Variants in TRAF5 observed in about 807,000 individuals in gnomAD.
TRAF5 encodes the protein TNF receptor-associated factor 5.
Under a neutral mutation model 64.5 loss-of-function variants are expected in TRAF5, and 48 were observed. That is an observed-to-expected ratio of 0.74 (90% CI 0.59 to 0.95). The LOEUF is 0.95. TRAF5 is among the 40% of genes least tolerant of loss of function. The pLI, the probability that TRAF5 is intolerant of heterozygous loss-of-function variation, is 0.00. For synonymous variants in TRAF5, 206 were observed against 240.5 expected (o/e 0.86, Z 1.33); for missense variants, 545 against 662.8 (o/e 0.82, Z 1.95).
intron 1 of TRAF5, among the ~76,000 whole-genome samples, chr1:211,329,732 G>T (rs1558128822): frequency 6.6e-6 from 1 of 152,168 alleles, no homozygotes; most frequent in East Asian, 1.9e-4. Context: ...TTCTGCCCAG[G>T]TTGTGGCTTT....
chr1:211,364,588 AG>A (rs1199855593), intron 7 of TRAF5, among the ~76,000 whole-genome samples: 1 of 151,928 alleles, frequency 6.6e-6, no homozygotes, highest in Non-Finnish European at 1.5e-5. Flanking sequence ...CGGGAGGCTG[AG>A]GCAGGAGAAT....
intron 1 of TRAF5, among the ~76,000 whole-genome samples, chr1:211,351,030 T>TA (rs1702770353): frequency 1.4e-5 from 1 of 73,394 alleles, no homozygotes; most frequent in Non-Finnish European, 3.4e-5. Context: ...TCTGGCCTCT[T>TA]CTTTTTTTTT....
intron 1 of TRAF5, chr1:211,346,507 A>T (rs778202922): frequency 1.8e-5 from 17 of 919,706 alleles, no homozygotes; most frequent in Non-Finnish European, 2.1e-5. Flanking sequence ...GTAATTCCCC[A>T]AGAATCAGAA....
chr1:211,364,429 G>A (rs1703281623), intron 7 of TRAF5, among the ~76,000 whole-genome samples: 2 of 152,208 alleles, frequency 1.3e-5, no homozygotes, highest in Admixed American at 1.3e-4. Flanking sequence ...GCTCATGCCT[G>A]TAATCCCAGC....
intron 7 of TRAF5, among the ~76,000 whole-genome samples, chr1:211,363,881 A>T (rs1018085808): frequency 1.4e-5 from 2 of 146,154 alleles, no homozygotes; most frequent in African/African-American, 5.1e-5. Flanking sequence ...ATTGTACTCC[A>T]GCCTGGGCAA....
chr1:211,348,909 A>G (rs1457955740), intron 1 of TRAF5, among the ~76,000 whole-genome samples: 1 of 151,844 alleles, frequency 6.6e-6, no homozygotes, highest in African/African-American at 2.4e-5. Context: ...TAAGAGTGTT[A>G]TCTTAGACCA....
intron 7 of TRAF5, among the ~76,000 whole-genome samples, chr1:211,364,625 G>A (rs1427508191): frequency 2.0e-5 from 3 of 152,114 alleles, no homozygotes; most frequent in African/African-American, 7.2e-5. Context: ...GGTGGAGGTT[G>A]CAGTGAGCCA....
intron 7 of TRAF5, among the ~76,000 whole-genome samples, chr1:211,361,772 A>G (rs145211217): frequency 0.044 from 6,039 of 138,208 alleles, 164 homozygotes; most frequent in Middle Eastern, 0.16. Context: ...TCTCGGCTCA[A>G]TGCAACCTCT....
At chr1:211,327,023 A>C in intron 1 of TRAF5, 134 bp downstream of exon 1, 16 of 773,000 alleles carry the variant, frequency 2.1e-5, no homozygotes, top group Non-Finnish European at 2.0e-5. Context: ...CCGGTCCCCG[A>C]CCGGCGGGGA....
intron 1 of TRAF5, among the ~76,000 whole-genome samples, chr1:211,327,370 G>A (rs942227348): frequency 1.3e-5 from 2 of 152,202 alleles, no homozygotes; most frequent in African/African-American, 4.8e-5. Context: ...TCCAATCAAA[G>A]CAACTCCAGA....
At chr1:211,354,616 A>G (rs114065494) in intron 3 of TRAF5, 149 bp downstream of exon 3, 25,370 of 755,886 alleles carry the variant, frequency 0.034, 559 homozygotes, top group South Asian at 0.063. Flanking sequence ...ATCAGACCCT[A>G]CTCGTAGCCC....
chr1:211,338,460 G>A (rs1702363767), intron 1 of TRAF5, among the ~76,000 whole-genome samples: 3 of 152,200 alleles, frequency 2.0e-5, no homozygotes, highest in African/African-American at 7.2e-5. Context: ...TAATACAATA[G>A]GGCGCAGACT....
At chr1:211,341,002 G>T (rs962857859) in intron 1 of TRAF5, among the ~76,000 whole-genome samples, 3 of 152,202 alleles carry the variant, frequency 2.0e-5, no homozygotes. Context: ...TGGCCTCTTT[G>T]TACCTTCTTT....
Position 211,356,393 on chromosome 1 carries a change from A to G in TRAF5, c.303A>G (p.Arg101=). The part of the protein sequence containing the change: ...QEVFKDNCCK[R]EVLNLYVYCS... ...TTTTTAAAGACAATTGTTGCAAAAG[A>G]GAAGTCCTCAACTTATATGTATATT... Residue 101 remains arginine, a synonymous_variant, in exon 4 of 11, where the codon AGA becomes AGG. Transcript: ENST00000261464. The G allele has an allele frequency of 6.2e-7, 1 of 1,614,138 alleles. No homozygotes were observed. Among genetic ancestry groups the G allele is most frequent in the Non-Finnish European group, 8.5e-7 (1 of 1,179,978 alleles).
chr1:211,353,368 C>CA lies in TRAF5; in HGVS notation c.132dup (p.Cys45MetfsTer41), dbSNP rs1331400783. The stretch of plus-strand genomic sequence containing the variant: ...TTGTGGAGCGGTTGGAAGAGCGCTA[C>CA]AAATGTGCCTTCTGCCACTCGGTGC... On this transcript the variant is annotated frameshift_variant, in exon 2 of 11. Transcript: ENST00000261464. LOFTEE classifies it high-confidence loss of function. 6.2e-7 allele frequency: 1 copy of CA among 1,614,066 alleles called. No individual in the cohort carries two copies. Among genetic ancestry groups the CA allele is most frequent in the Non-Finnish European group, 8.5e-7 (1 of 1,180,042 alleles).
rs140183497 is a variant in TRAF5, at chr1:211,348,207, C to G, written c.-1-5032C>G. Among the ~76,000 whole-genome samples, 126 of 152,270 alleles carry G rather than the reference C, an allele frequency of 8.3e-4. 1 individual carries two copies. The highest frequency in any genetic ancestry group is 2.9e-3 in the African/African-American group (121 of 41,560). ...AATCCAGCTATCTTCTATTAAGCAA[C>G]ACATTAAAGAGATGTGCAAACATGT... is the stretch of plus-strand genomic sequence containing the variant. On this transcript the variant is annotated intron_variant, in intron 1 of 10. Coordinates refer to ENST00000261464, the MANE Select transcript of TRAF5 (RefSeq NM_001033910.3).
rs531408823 is a variant in TRAF5 at position 211,359,949 on chromosome 1, G to A, written c.416G>A (p.Cys139Tyr). Reference protein sequence around the residue: ...LQQCLFQPVQCSNEKCREPVL... With the variant: ...LQQCLFQPVQYSNEKCREPVL... ...CAGTGCTTATTTCAACCTGTGCAGTGTTCTAATGAGAAGTGCCGGGAGCCA... is the reference window on the plus strand; with the variant it reads ...CAGTGCTTATTTCAACCTGTGCAGTATTCTAATGAGAAGTGCCGGGAGCCA... Residue 139 changes from cysteine to tyrosine, a missense_variant, in exon 5 of 11, where the codon TGT becomes TAT. Transcript: ENST00000261464. 12 of 1,614,070 alleles carry A rather than the reference G, an allele frequency of 7.4e-6. No individual in the cohort carries two copies. The South Asian group carries it at 1.3e-4, about 18-fold the overall frequency.
chr1:211,372,077 G>C, intron 10 of TRAF5, 51 bp from the exon 11 acceptor site: 1 of 1,463,692 alleles, frequency 6.8e-7, no homozygotes, highest in East Asian at 2.3e-5. Context: ...AAATTTTAAA[G>C]ATAACTTTTA....
In TRAF5 at chr1:211,360,752, T is replaced by C. The variant is rs767165672; in HGVS notation, c.594T>C (p.Asn198=). Reference sequence around the variant, plus strand: ...AATACCCAGTATTTTGTCCCAACAATTGTGCGAAGATTATTCTAAAAACTG... The same window carrying C: ...AATACCCAGTATTTTGTCCCAACAACTGTGCGAAGATTATTCTAAAAACTG... The part of the protein sequence containing the change: ...CPEYPVFCPN[N]CAKIILKTEV... Residue 198 remains asparagine, a synonymous_variant, in exon 6 of 11, where the codon AAT becomes AAC. Coordinates refer to ENST00000261464, the MANE Select transcript of TRAF5 (RefSeq NM_001033910.3). The C allele has an allele frequency of 1.9e-6, 3 of 1,614,000 alleles. No homozygotes were observed. The East Asian group carries it at 6.7e-5, about 36-fold the overall frequency.
Sources: allele counts gnomAD v4.1 joint callset (sites outside exome capture counted in the v4.1 genomes callset), GRCh38; gene constraint gnomAD v4.1.1; transcripts MANE v1.5; gene names NCBI Gene and HGNC (gene_info 2026-07-23, HGNC 2026-07-21).